WWP1: variants seen among roughly 807,000 people sequenced by gnomAD.
WWP1 encodes NEDD4-like E3 ubiquitin-protein ligase WWP1.
In WWP1, 49 loss-of-function variants were observed where a neutral mutation model predicts 130.6. That is an observed-to-expected ratio of 0.38 (90% CI 0.30 to 0.48). The LOEUF is 0.48. Ranked by LOEUF, WWP1 falls within the 20% of genes least tolerant of loss-of-function variation. WWP1 has a pLI of 0.99. For missense variants in WWP1, 809 were observed against 1,100.6 expected (o/e 0.74, Z 3.75); for synonymous variants, 332 against 367.8 (o/e 0.90, Z 1.11).
chr8:86,406,665 T>C (rs1274002691), intron 8 of WWP1, among the ~76,000 whole-genome samples: 1 of 151,710 alleles, frequency 6.6e-6, no homozygotes, highest in Non-Finnish European at 1.5e-5. Context: ...TGTGTGTATG[T>C]GTGTGTGTGT....
chr8:86,404,487 G>A (rs1489124501), intron 8 of WWP1, among the ~76,000 whole-genome samples: 1 of 152,108 alleles, frequency 6.6e-6, no homozygotes, highest in Non-Finnish European at 1.5e-5. Flanking sequence ...CTTTCCATTG[G>A]TAATAAGTTC....
chr8:86,448,933 A>G (rs1811030784), intron 20 of WWP1, among the ~76,000 whole-genome samples: 1 of 152,124 alleles, frequency 6.6e-6, no homozygotes, highest in African/African-American at 2.4e-5. Context: ...TCCTGTGCTC[A>G]AGCAATTCTG....
chr8:86,398,603 T>G lies in WWP1; in HGVS notation c.504T>G (p.His168Gln). ...TACAGGAAAATGGTGATGCCTTACA[T>G]GAAAATGGAGAGCCTTCAGCAAGGA... ...IEIQENGDAL[H>Q]ENGEPSARTT... Residue 168 changes from histidine to glutamine, a missense_variant, in exon 7 of 25, where the codon CAT becomes CAG. By Grantham distance (24) the His-to-Gln change is conservative. Transcript: ENST00000517970. 8 of 1,612,758 alleles carry G rather than the reference T, an allele frequency of 5.0e-6. No individual in the cohort carries two copies. The highest frequency in any genetic ancestry group is 6.8e-6 in the Non-Finnish European group (8 of 1,179,760).
chr8:86,465,141 G>C (rs535951046), intron 24 of WWP1, among the ~76,000 whole-genome samples: 33 of 152,170 alleles, frequency 2.2e-4, no homozygotes, highest in Non-Finnish European at 4.4e-4. Flanking sequence ...GAGGAACACG[G>C]CTAAGATTGC....
At chr8:86,424,956 G>A (rs180940517) in intron 9 of WWP1, among the ~76,000 whole-genome samples, 3 of 151,948 alleles carry the variant, frequency 2.0e-5, no homozygotes, top group Admixed American at 6.6e-5. Flanking sequence ...AAAATGTGGG[G>A]TATTCTCTTC....
intron 11 of WWP1, among the ~76,000 whole-genome samples, chr8:86,429,774 TC>T: frequency 6.6e-6 from 1 of 152,222 alleles, no homozygotes; most frequent in Non-Finnish European, 1.5e-5. Flanking sequence ...CATTTCATCT[TC>T]CCTCTATAGA....
chr8:86,391,403 G>T (rs968978484), intron 5 of WWP1, among the ~76,000 whole-genome samples: 5 of 152,162 alleles, frequency 3.3e-5, no homozygotes, highest in African/African-American at 1.2e-4. Context: ...TGGCTCTGCG[G>T]AGATGTGTGG....
chr8:86,362,462 A>G (rs1188298443), intron 1 of WWP1, among the ~76,000 whole-genome samples: 2 of 151,884 alleles, frequency 1.3e-5, no homozygotes, highest in Middle Eastern at 3.2e-3. Flanking sequence ...GGGAACAGAA[A>G]TATTTCAGTA....
At chr8:86,409,377 G>A (rs1330802925) in intron 8 of WWP1, among the ~76,000 whole-genome samples, 3 of 149,798 alleles carry the variant, frequency 2.0e-5, no homozygotes, top group African/African-American at 7.3e-5. Context: ...GGGATTACAG[G>A]CACACAACCA....
At chr8:86,357,636 T>C (rs903978988) in intron 1 of WWP1, among the ~76,000 whole-genome samples, 2 of 152,224 alleles carry the variant, frequency 1.3e-5, no homozygotes, top group African/African-American at 4.8e-5. Flanking sequence ...TAGTATTCAG[T>C]GAGATAAATA....
intron 1 of WWP1, among the ~76,000 whole-genome samples, chr8:86,362,199 T>TATATAC (rs1409280271): frequency 1.7e-5 from 2 of 121,030 alleles, no homozygotes; most frequent in African/African-American, 3.0e-5. Context: ...TATATATATA[T>TATATAC]ATACTGGAAA....
intron 1 of WWP1, among the ~76,000 whole-genome samples, chr8:86,343,915 C>A (rs1822402630): frequency 6.6e-6 from 1 of 151,462 alleles, no homozygotes; most frequent in South Asian, 2.1e-4. Flanking sequence ...TTTGTTTTCC[C>A]CGTTTGGTGT....
At chr8:86,350,800 A>T (rs1385448422) in intron 1 of WWP1, among the ~76,000 whole-genome samples, 1 of 152,212 alleles carries the variant, frequency 6.6e-6, no homozygotes, top group Non-Finnish European at 1.5e-5. Flanking sequence ...CTGACTGTTG[A>T]GTCCTGACTT....
chr8:86,356,402 A>G (rs1170061165), intron 1 of WWP1, among the ~76,000 whole-genome samples: 1 of 151,692 alleles, frequency 6.6e-6, no homozygotes, highest in Admixed American at 6.6e-5. Context: ...TCACTAGGGT[A>G]AGGGGAAAAA....
At chr8:86,447,997 T>G in intron 18 of WWP1, 151 bp from the exon 19 acceptor site, 2 of 637,614 alleles carry the variant, frequency 3.1e-6, no homozygotes, top group Non-Finnish European at 5.0e-6. Context: ...ACCTAGCATT[T>G]TATATAATAT....
At chr8:86,442,436 T>C (rs564675050) in intron 17 of WWP1, 183 bp from the exon 18 acceptor site, 49 of 443,804 alleles carry the variant, frequency 1.1e-4, no homozygotes, top group Non-Finnish European at 1.6e-4. Flanking sequence ...ACATCGAAAC[T>C]AGCAGGTAAC....
chr8:86,439,475 G>T (rs1233598741), intron 17 of WWP1, among the ~76,000 whole-genome samples: 1 of 152,118 alleles, frequency 6.6e-6, no homozygotes, highest in Non-Finnish European at 1.5e-5. Flanking sequence ...GATTACAGGT[G>T]TGAGGCACAG....
intron 21 of WWP1, among the ~76,000 whole-genome samples, chr8:86,457,702 G>T (rs558183960): frequency 6.6e-6 from 1 of 152,110 alleles, no homozygotes; most frequent in East Asian, 1.9e-4. Flanking sequence ...GCGGTTTTTG[G>T]TTTGAGTTCA....
chr8:86,392,310 T>G (rs1462113111), intron 5 of WWP1, among the ~76,000 whole-genome samples: 1 of 152,180 alleles, frequency 6.6e-6, no homozygotes, highest in Non-Finnish European at 1.5e-5. Context: ...ATAGAAATAG[T>G]ATAGCTAACA....
Sources: gnomAD v4.1 joint callset for allele counts (sites outside exome capture counted in the v4.1 genomes callset) on GRCh38, gnomAD v4.1.1 for gene constraint, MANE v1.5 for transcripts, NCBI Gene and HGNC (gene_info 2026-07-23, HGNC 2026-07-21) for gene names.